PLCL1: variants seen among roughly 807,000 people sequenced by gnomAD.
PLCL1 encodes the protein inactive phospholipase C-like protein 1.
In PLCL1, 41 loss-of-function variants were observed where a neutral mutation model predicts 84.4. The ratio of observed to expected loss-of-function variants is 0.49; its 90% CI spans 0.38 to 0.63. The LOEUF is 0.63. Ranked by LOEUF, PLCL1 falls within the 30% of genes least tolerant of loss-of-function variation. The pLI is 0.00. For synonymous variants in PLCL1, 490 were observed against 488.3 expected, an observed-to-expected ratio of 1.00 and a Z score of -0.05; for missense variants, 1,206 against 1,367.8, an observed-to-expected ratio of 0.88 and a Z score of 1.87.
At chr2:197,837,111 G>A (rs1691208525) in intron 1 of PLCL1, among the ~76,000 whole-genome samples, 1 of 152,128 alleles carries the variant, frequency 6.6e-6, no homozygotes, top group Non-Finnish European at 1.5e-5. Flanking sequence ...GGAAAGGGAG[G>A]CCACTTGTGC....
chr2:197,940,178 G>C lies in PLCL1; in HGVS notation c.240+134839G>C, dbSNP rs967893598. Among the ~76,000 whole-genome samples, 2 of 152,048 alleles carry C rather than the reference G, an allele frequency of 1.3e-5. 1 individual carries two copies. The highest frequency in any genetic ancestry group is 1.3e-4 in the Admixed American group (2 of 15,266). ...TATATATTTAATGATGTAGTATTCA[G>C]GTCTAAAAAATGAACAAAATACTTT... is the stretch of plus-strand genomic sequence containing the variant. On this transcript the variant is annotated intron_variant, in intron 1 of 5. Coordinates refer to ENST00000428675, the MANE Select transcript of PLCL1 (RefSeq NM_006226.4).
At chr2:197,847,196 C>T (rs546133854) in intron 1 of PLCL1, among the ~76,000 whole-genome samples, 4 of 152,008 alleles carry the variant, frequency 2.6e-5, no homozygotes, top group South Asian at 2.1e-4. Flanking sequence ...TTCCTCATCC[C>T]GGGGGGGTAA....
intron 3 of PLCL1, among the ~76,000 whole-genome samples, chr2:198,099,414 C>A (rs1006445946): frequency 1.3e-5 from 2 of 151,938 alleles, no homozygotes; most frequent in African/African-American, 4.8e-5. Context: ...TTTAGCTATT[C>A]ATCTCATTTG....
At position 198,028,257 on chromosome 2, in the gene PLCL1, T is replaced by C. The variant is rs1691321805; in HGVS notation, c.241-55501T>C. 5.3e-5 allele frequency among the ~76,000 whole-genome samples: 8 copies of C among 152,342 alleles called. 1 individual carries two copies. In the South Asian group the frequency reaches 1.7e-3, roughly 32 times the overall value. On this transcript the variant is annotated intron_variant, in intron 1 of 5. Coordinates refer to ENST00000428675, the MANE Select transcript of PLCL1 (RefSeq NM_006226.4). The stretch of plus-strand genomic sequence containing the variant: ...GAAATGAATTAAATAAAAATGCACA[T>C]ATTACATCAATTGTTATTATGTAAT...
At chr2:197,993,066 A>G (rs1261314586) in intron 1 of PLCL1, among the ~76,000 whole-genome samples, 2 of 152,124 alleles carry the variant, frequency 1.3e-5, no homozygotes, top group Admixed American at 6.5e-5. Context: ...TTCCATGTTT[A>G]ATTTTTTGAA....
intron 1 of PLCL1, among the ~76,000 whole-genome samples, chr2:197,971,714 T>C (rs1689870050): frequency 6.6e-6 from 1 of 152,240 alleles, no homozygotes; most frequent in South Asian, 2.1e-4. Flanking sequence ...ATTCTTTCTC[T>C]GTATGGTGGC....
At chr2:198,062,277 A>G (rs1692222653) in intron 1 of PLCL1, among the ~76,000 whole-genome samples, 1 of 152,162 alleles carries the variant, frequency 6.6e-6, no homozygotes, top group African/African-American at 2.4e-5. Context: ...TATCTATTCT[A>G]GGGGAGCTCC....
In PLCL1 at chr2:197,812,232, T is replaced by C. The variant is rs867798411; in HGVS notation, c.240+6893T>C. On this transcript the variant is annotated intron_variant, in intron 1 of 5. Coordinates refer to ENST00000428675, the MANE Select transcript of PLCL1 (RefSeq NM_006226.4). ...GTCCACCATTGGTGAGATGATTCCA[T>C]GTTTTTGCTATTGTGAAGAGTGCTG... Among the ~76,000 whole-genome samples the C allele has an allele frequency of 2.0e-5, 3 of 152,334 alleles. No individual in the cohort carries two copies. In the South Asian group the frequency reaches 6.2e-4, roughly 32 times the overall value.
chr2:197,935,974 C>T (rs912903983), intron 1 of PLCL1, among the ~76,000 whole-genome samples: 4 of 152,120 alleles, frequency 2.6e-5, no homozygotes, highest in African/African-American at 9.7e-5. Context: ...TTTTAGATTC[C>T]ACATATAAGT....
At chr2:197,822,506 C>T (rs1690835003) in intron 1 of PLCL1, among the ~76,000 whole-genome samples, 1 of 152,086 alleles carries the variant, frequency 6.6e-6, no homozygotes, top group African/African-American at 2.4e-5. Context: ...AATAAATAAC[C>T]CCTGACATTT....
At chr2:197,924,148 A>T (rs1298201539) in intron 1 of PLCL1, among the ~76,000 whole-genome samples, 1 of 81,266 alleles carries the variant, frequency 1.2e-5, no homozygotes, top group Admixed American at 1.5e-4. Flanking sequence ...GGAGAGGGAG[A>T]GGGAGAGGGA....
At chr2:198,022,012 A>G (rs1691143979) in intron 1 of PLCL1, among the ~76,000 whole-genome samples, 1 of 152,252 alleles carries the variant, frequency 6.6e-6, no homozygotes, top group African/African-American at 2.4e-5. Context: ...TGAATCCAGC[A>G]GCACATCAAA....
chr2:198,065,076 C>T (rs995749437), intron 1 of PLCL1, among the ~76,000 whole-genome samples: 5 of 152,128 alleles, frequency 3.3e-5, no homozygotes, highest in African/African-American at 1.2e-4. Flanking sequence ...GAATAATGGA[C>T]ACACTCAACA....
At chr2:197,817,472 G>T (rs1360506503) in intron 1 of PLCL1, among the ~76,000 whole-genome samples, 1 of 152,020 alleles carries the variant, frequency 6.6e-6, no homozygotes, top group Non-Finnish European at 1.5e-5. Flanking sequence ...AGAGATGGGG[G>T]TTTTGCTGTG....
intron 1 of PLCL1, among the ~76,000 whole-genome samples, chr2:198,011,405 A>G (rs867227510): frequency 1.3e-5 from 2 of 151,946 alleles, no homozygotes; most frequent in South Asian, 4.1e-4. Flanking sequence ...TAATTTCCAC[A>G]TATTACTGGA....
rs747694610 is a variant in PLCL1, at chr2:198,088,851, C to T, written c.2716-7C>T. ...AGAAGTGTGATTCCATGTTTTCTTC[C>T]TCACAGAATGCAATCGTGTCTATTA... On this transcript the variant is annotated splice_polypyrimidine_tract_variant and splice_region_variant and intron_variant, in intron 2 of 5. Transcript: ENST00000428675. 3.8e-6 allele frequency: 6 copies of T among 1,579,792 alleles called. No homozygotes were observed. Among genetic ancestry groups the T allele is most frequent in the South Asian group, 1.1e-5 (1 of 90,372 alleles).
rs370291678 is a variant in PLCL1, at chr2:198,020,603, C to A, written c.241-63155C>A. On this transcript the variant is annotated intron_variant, in intron 1 of 5. Transcript: ENST00000428675. ...AAAAAGCAGGGATTGCAATCCTAGA[C>A]TCTGGTAAAACAGACTTTATACCAA... Among the ~76,000 whole-genome samples the A allele has an allele frequency of 1.1e-4, 16 of 151,494 alleles. 1 individual carries two copies. Among genetic ancestry groups the A allele is most frequent in the African/African-American group, 3.9e-4 (16 of 41,348 alleles).
At chr2:198,068,784 G>A (rs2105883117) in intron 1 of PLCL1, among the ~76,000 whole-genome samples, 1 of 152,314 alleles carries the variant, frequency 6.6e-6, no homozygotes, top group South Asian at 2.1e-4. Flanking sequence ...CACTTTGGGA[G>A]GCCGAGGTGG....
chr2:197,984,711 T>G (rs1690185847), intron 1 of PLCL1, among the ~76,000 whole-genome samples: 1 of 151,970 alleles, frequency 6.6e-6, no homozygotes, highest in South Asian at 2.1e-4. Flanking sequence ...AACAAGAGAG[T>G]GAGAAGGCCC....
Sources: gnomAD v4.1 joint callset for allele counts (sites outside exome capture counted in the v4.1 genomes callset) on GRCh38, gnomAD v4.1.1 for gene constraint, MANE v1.5 for transcripts, NCBI Gene and HGNC (gene_info 2026-07-23, HGNC 2026-07-21) for gene names.